IL1RAPL2: variants seen among roughly 807,000 people sequenced by gnomAD.
IL1RAPL2 encodes the protein interleukin 1 receptor accessory protein like 2.
A neutral mutation model predicts 44.1 loss-of-function variants in IL1RAPL2; 3 were observed. The ratio of observed to expected loss-of-function variants is 0.07; its 90% CI spans 0.03 to 0.18. The LOEUF (loss-of-function observed/expected upper bound fraction) is 0.18. Ranked by LOEUF, IL1RAPL2 falls within the 10% of genes least tolerant of loss-of-function variation. The probability of loss-of-function intolerance (pLI) is 1.00; values close to 1 mark genes in which losing one functional copy is unlikely to be tolerated. For synonymous variants in IL1RAPL2, 181 were observed against 178.8 expected (o/e 1.01, Z -0.10); for missense variants, 391 against 496.4 (o/e 0.79, Z 2.02).
chrX:105,665,342 T>TGCGC (rs776006807), intron 6 of IL1RAPL2, among the ~76,000 whole-genome samples: 24 of 98,382 alleles, frequency 2.4e-4, no homozygotes, highest in East Asian at 9.4e-4. Flanking sequence ...TTTATGCGCG[T>TGCGC]GCGTGTGTGT....
chrX:105,509,553 A>G (rs2036455100), intron 6 of IL1RAPL2, among the ~76,000 whole-genome samples: 1 of 112,009 alleles, frequency 8.9e-6, no homozygotes, highest in Non-Finnish European at 1.9e-5. Context: ...TCATAAGGCA[A>G]GAGATGTTAA....
chrX:105,172,757 A>G (rs369801773), intron 2 of IL1RAPL2, among the ~76,000 whole-genome samples: 2 of 111,542 alleles, frequency 1.8e-5, no homozygotes, highest in East Asian at 2.8e-4. Context: ...ATAATGTAAC[A>G]TTACCACAGA....
intron 6 of IL1RAPL2, among the ~76,000 whole-genome samples, chrX:105,626,452 G>A (rs2037453806): frequency 9.0e-6 from 1 of 111,277 alleles, no homozygotes; most frequent in African/African-American, 3.3e-5. Flanking sequence ...CTAGAGAGAT[G>A]GAAAACAGAG....
At chrX:105,328,025 A>T (rs1031041817) in intron 5 of IL1RAPL2, among the ~76,000 whole-genome samples, 2 of 111,672 alleles carry the variant, frequency 1.8e-5, no homozygotes, top group African/African-American at 6.5e-5. Flanking sequence ...TTCCATTATG[A>T]TGTCTTTTCA....
chrX:105,099,453 CTTTTTTTTTTTTT>C (rs36063657), intron 2 of IL1RAPL2, among the ~76,000 whole-genome samples: 4 of 35,833 alleles, frequency 1.1e-4, no homozygotes, highest in Non-Finnish European at 1.1e-4. Context: ...GTGCCACATA[CTTTTTTTTTTTTT>C]TTTTTTTTTT....
At chrX:104,745,919 C>T (rs1932167154) in intron 2 of IL1RAPL2, among the ~76,000 whole-genome samples, 2 of 111,509 alleles carry the variant, frequency 1.8e-5, no homozygotes, top group Admixed American at 9.5e-5. Flanking sequence ...GGATATTTTA[C>T]ACCTAGCATG....
intron 6 of IL1RAPL2, among the ~76,000 whole-genome samples, chrX:105,615,964 ACCCAC>A (rs1485753133): frequency 8.9e-6 from 1 of 111,746 alleles, no homozygotes; most frequent in East Asian, 2.8e-4. Context: ...CCTACTATGT[ACCCAC>A]AAAAATTAAA....
intron 1 of IL1RAPL2, among the ~76,000 whole-genome samples, chrX:104,608,095 A>C (rs1013629931): frequency 1.5e-4 from 17 of 111,554 alleles, no homozygotes; most frequent in African/African-American, 5.5e-4. Context: ...TTGATGAAGC[A>C]GAAAACCATC....
intron 2 of IL1RAPL2, among the ~76,000 whole-genome samples, chrX:105,071,328 A>T (rs942675712): frequency 3.6e-5 from 4 of 111,932 alleles, no homozygotes; most frequent in African/African-American, 9.7e-5. Context: ...AAGAAGTAAA[A>T]TATCTTTATA....
intron 6 of IL1RAPL2, among the ~76,000 whole-genome samples, chrX:105,546,004 G>A (rs894928681): frequency 1.3e-4 from 14 of 111,443 alleles, no homozygotes; most frequent in Non-Finnish European, 9.4e-5. Context: ...TTGTGTCCAA[G>A]ATGATCACTT....
intron 2 of IL1RAPL2, among the ~76,000 whole-genome samples, chrX:104,947,103 C>A (rs1925400773): frequency 9.0e-6 from 1 of 111,501 alleles, no homozygotes; most frequent in Admixed American, 9.5e-5. Flanking sequence ...TTAATGATCA[C>A]CATTCTAACT....
intron 2 of IL1RAPL2, among the ~76,000 whole-genome samples, chrX:105,013,023 T>A (rs1602889346): frequency 1.8e-5 from 2 of 111,104 alleles, no homozygotes; most frequent in African/African-American, 6.5e-5. Context: ...TTTATCAGGC[T>A]CTCTAGGTAA....
intron 5 of IL1RAPL2, among the ~76,000 whole-genome samples, chrX:105,370,769 T>C (rs754759034): frequency 4.3e-4 from 48 of 112,046 alleles, no homozygotes; most frequent in Admixed American, 4.7e-4. Context: ...GGTCAAATGG[T>C]AGTTCTCTTT....
intron 6 of IL1RAPL2, among the ~76,000 whole-genome samples, chrX:105,553,830 G>A (rs2036877120): frequency 3.6e-5 from 4 of 112,387 alleles, no homozygotes; most frequent in Non-Finnish European, 7.5e-5. Flanking sequence ...GCAAGATTTG[G>A]AAATTTTAGG....
chrX:104,639,372 C>A (rs1489292413), intron 1 of IL1RAPL2, among the ~76,000 whole-genome samples: 1 of 111,263 alleles, frequency 9.0e-6, no homozygotes, highest in Non-Finnish European at 1.9e-5. Flanking sequence ...TTTAAAAAGC[C>A]CATTTAACTA....
At chrX:105,686,895 A>C (rs1302403414) in intron 6 of IL1RAPL2, among the ~76,000 whole-genome samples, 1 of 112,300 alleles carries the variant, frequency 8.9e-6, no homozygotes, top group Non-Finnish European at 1.9e-5. Flanking sequence ...AGTGCAATCA[A>C]ATTAGAACTC....
At chrX:105,037,569 T>C (rs1375842489) in intron 2 of IL1RAPL2, among the ~76,000 whole-genome samples, 4 of 111,177 alleles carry the variant, frequency 3.6e-5, no homozygotes, top group Non-Finnish European at 3.8e-5. Flanking sequence ...ACAGCAGCCC[T>C]CTAATAGGTA....
chrX:104,893,921 G>A (rs1342515488), intron 2 of IL1RAPL2, among the ~76,000 whole-genome samples: 1 of 111,765 alleles, frequency 8.9e-6, no homozygotes, highest in African/African-American at 3.3e-5. Context: ...GCAGTGGCTG[G>A]TACCGGTTGT....
chrX:105,736,111 C>G (rs2038446586), intron 7 of IL1RAPL2, among the ~76,000 whole-genome samples: 1 of 111,255 alleles, frequency 9.0e-6, no homozygotes, highest in African/African-American at 3.3e-5. Flanking sequence ...TTGACAAAAG[C>G]AAGCAATGAG....
Sources: gnomAD v4.1 joint callset for allele counts (sites outside exome capture counted in the v4.1 genomes callset) on GRCh38, gnomAD v4.1.1 for gene constraint, MANE v1.5 for transcripts, NCBI Gene and HGNC (gene_info 2026-07-23, HGNC 2026-07-21) for gene names.